Variants in C12orf42 observed in about 807,000 individuals in gnomAD.
The protein encoded by C12orf42 is chromosome 12 open reading frame 42, also known as uncharacterized protein C12orf42.
C12orf42 carries 25 observed loss-of-function variants against 21.6 expected under a neutral mutation model. The observed-to-expected ratio is 1.16, with a 90% confidence interval of 0.84 to 1.62. The LOEUF (loss-of-function observed/expected upper bound fraction) is 1.62. Ranked by LOEUF, C12orf42 falls within the 40% of genes most tolerant of loss-of-function variation. The pLI is 0.00. For missense variants in C12orf42, 483 were observed against 459.3 expected, an observed-to-expected ratio of 1.05 and a Z score of -0.47; for synonymous variants, 174 against 175.0, an observed-to-expected ratio of 0.99 and a Z score of 0.05.
At chr12:103,213,821 C>T in the C12orf42 span, among the ~76,000 whole-genome samples, 1 of 152,154 alleles carries the variant, frequency 6.6e-6, no homozygotes, top group Non-Finnish European at 1.5e-5. Flanking sequence ...GTCTTTTCCC[C>T]ATAATTTGTA....
intron 2 of C12orf42, among the ~76,000 whole-genome samples, chr12:103,470,896 C>A (rs894863021): frequency 6.6e-6 from 1 of 152,172 alleles, no homozygotes; most frequent in African/African-American, 2.4e-5. Flanking sequence ...CAGTCCCCAG[C>A]CATCTGAGTC....
chr12:103,447,721 A>C (rs1160483430), intron 2 of C12orf42, among the ~76,000 whole-genome samples: 1 of 152,042 alleles, frequency 6.6e-6, no homozygotes, highest in Non-Finnish European at 1.5e-5. Flanking sequence ...TAAAATGCTT[A>C]GGAATATACC....
chr12:103,122,856 A>T, the C12orf42 span, among the ~76,000 whole-genome samples: 1 of 152,164 alleles, frequency 6.6e-6, no homozygotes, highest in East Asian at 1.9e-4. Context: ...GAGGCACATG[A>T]GCTGCCTTGC....
the C12orf42 span, among the ~76,000 whole-genome samples, chr12:103,111,649 G>A: frequency 1.3e-5 from 2 of 152,126 alleles, no homozygotes; most frequent in Admixed American, 6.5e-5. Context: ...CCTCATGTAC[G>A]AGTTTAGGGG....
At chr12:103,196,993 T>C in the C12orf42 span, among the ~76,000 whole-genome samples, 1 of 152,188 alleles carries the variant, frequency 6.6e-6, no homozygotes, top group East Asian at 1.9e-4. Flanking sequence ...CTTAATTGTA[T>C]AGTTGATGTA....
At chr12:103,258,659 A>G (rs530412845) in intron 10 of C12orf42, among the ~76,000 whole-genome samples, 54 of 152,206 alleles carry the variant, frequency 3.5e-4, no homozygotes, top group African/African-American at 1.3e-3. Flanking sequence ...TATAAGATCA[A>G]TGACCAAAAA....
intron 2 of C12orf42, among the ~76,000 whole-genome samples, chr12:103,411,409 T>C (rs1399268581): frequency 1.3e-5 from 2 of 152,188 alleles, no homozygotes; most frequent in African/African-American, 4.8e-5. Context: ...AGATACAATA[T>C]AGTTACTATG....
the C12orf42 span, among the ~76,000 whole-genome samples, chr12:103,057,424 T>A: frequency 6.6e-6 from 1 of 152,166 alleles, no homozygotes; most frequent in South Asian, 2.1e-4. Flanking sequence ...ATTTTTTAAC[T>A]CCCACTTATG....
chr12:103,402,599 T>G (rs2048094852), intron 2 of C12orf42, among the ~76,000 whole-genome samples: 2 of 152,138 alleles, frequency 1.3e-5, no homozygotes, highest in South Asian at 4.1e-4. Context: ...CAGAGGTGAT[T>G]AGAGTCTAAA....
intron 2 of C12orf42, among the ~76,000 whole-genome samples, chr12:103,441,273 T>C (rs1052498440): frequency 4.6e-5 from 7 of 152,204 alleles, no homozygotes; most frequent in Non-Finnish European, 7.3e-5. Context: ...AATAATCTCA[T>C]GATTTAATGC....
chr12:103,305,201 GAA>G (rs1164825205), intron 5 of C12orf42, among the ~76,000 whole-genome samples: 10 of 152,178 alleles, frequency 6.6e-5, no homozygotes, highest in Non-Finnish European at 1.5e-4. Context: ...TGCTATAAAT[GAA>G]AAGACTATAT....
intron 10 of C12orf42, among the ~76,000 whole-genome samples, chr12:103,253,106 A>T (rs758898227): frequency 8.5e-5 from 13 of 152,184 alleles, no homozygotes; most frequent in Non-Finnish European, 1.5e-4. Context: ...GTCAAAGATC[A>T]GATGGTTGTA....
the C12orf42 span, chr12:103,161,303 T>C: frequency 6.6e-6 from 1 of 152,086 alleles, no homozygotes; most frequent in African/African-American, 2.4e-5. Context: ...CCTTTTAAAG[T>C]AATTTGAGGG....
the C12orf42 span, among the ~76,000 whole-genome samples, chr12:103,065,022 G>T: frequency 5.5e-3 from 844 of 152,276 alleles, 10 homozygotes; most frequent in East Asian, 0.047. Context: ...CTGACTGGTA[G>T]GGTGAGGATT....
chr12:103,186,553 A>T, the C12orf42 span, among the ~76,000 whole-genome samples: 1 of 152,204 alleles, frequency 6.6e-6, no homozygotes, highest in East Asian at 1.9e-4. Flanking sequence ...CTTGGCAGAA[A>T]CTTTATTATC....
At chr12:103,234,251 A>G (rs931093461), downstream of C12orf42, among the ~76,000 whole-genome samples, 7 of 152,288 alleles carry the variant, frequency 4.6e-5, no homozygotes, top group South Asian at 1.4e-3. Flanking sequence ...GATATGGTCC[A>G]TCTATATAAC....
chr12:103,521,517 C>T, the C12orf42 span, among the ~76,000 whole-genome samples: 1 of 152,064 alleles, frequency 6.6e-6, no homozygotes, highest in Non-Finnish European at 1.5e-5. Context: ...ACAACACACA[C>T]TGGGGCCTGT....
intron 5 of C12orf42, among the ~76,000 whole-genome samples, chr12:103,276,778 G>A (rs1323556909): frequency 6.6e-6 from 1 of 152,166 alleles, no homozygotes; most frequent in Non-Finnish European, 1.5e-5. Context: ...TAGGATGGCT[G>A]TTATTCAGTC....
chr12:103,392,892 T>A (rs992221048), intron 3 of C12orf42, among the ~76,000 whole-genome samples: 1 of 152,084 alleles, frequency 6.6e-6, no homozygotes, highest in African/African-American at 2.4e-5. Context: ...GCCACAGAAG[T>A]GGCAGCAGTA....
Sources: gnomAD v4.1 joint callset for allele counts (sites outside exome capture counted in the v4.1 genomes callset) on GRCh38, gnomAD v4.1.1 for gene constraint, MANE v1.5 for transcripts, NCBI Gene and HGNC (gene_info 2026-07-23, HGNC 2026-07-21) for gene names.